Variants in CCDC171 observed in about 807,000 individuals in gnomAD.
CCDC171 encodes the protein coiled-coil domain containing 171, also known as coiled-coil domain-containing protein 171.
Under a neutral mutation model 168.2 loss-of-function variants are expected in CCDC171, and 177 were observed. The observed-to-expected ratio is 1.05, with a 90% CI of 0.93 to 1.19. CCDC171 has a LOEUF of 1.19. Ranked by LOEUF, CCDC171 falls within the 50% of genes most tolerant of loss-of-function variation. The pLI is 0.00. For synonymous variants in CCDC171, 687 were observed against 540.8 expected (o/e 1.27, Z -3.75); for missense variants, 1,991 against 1,539.0 (o/e 1.29, Z -4.91).
At chr9:16,100,301 C>T in the CCDC171 span, among the ~76,000 whole-genome samples, 105 of 152,254 alleles carry the variant, frequency 6.9e-4, no homozygotes, top group African/African-American at 2.4e-3. Flanking sequence ...TCACTCTCCC[C>T]ACTCAGATTG....
chr9:15,714,684 G>A (rs1044068654), intron 11 of CCDC171, among the ~76,000 whole-genome samples: 1 of 152,170 alleles, frequency 6.6e-6, no homozygotes, highest in South Asian at 2.1e-4. Context: ...ACTATGTCAG[G>A]ATTGCTAACA....
At chr9:15,865,329 A>G (rs923451602) in intron 23 of CCDC171, among the ~76,000 whole-genome samples, 9 of 151,998 alleles carry the variant, frequency 5.9e-5, no homozygotes, top group Admixed American at 5.3e-4. Flanking sequence ...ACAAATATAC[A>G]TACATACATA....
intron 6 of CCDC171, among the ~76,000 whole-genome samples, chr9:16,026,462 G>C (rs1833276478): frequency 6.6e-6 from 1 of 152,050 alleles, no homozygotes; most frequent in South Asian, 2.1e-4. Context: ...CCACCTCAAG[G>C]GCCCTTGCTC....
rs376956961 is a variant in CCDC171 at position 15,795,639 on chromosome 9, A to T, written c.3267+10945A>T. On this transcript the variant is annotated intron_variant, in intron 21 of 25. Transcript: ENST00000380701. ...GAGTTGATAATAATAATGTTAGGGA[A>T]ATCTAGGCTTTAAGCCTCAGAGACT... 5.1e-4 allele frequency among the ~76,000 whole-genome samples: 77 copies of T among 152,322 alleles called. 1 individual carries two copies. In the South Asian group the frequency reaches 0.016, roughly 32 times the overall value.
At chr9:15,776,563 A>G (rs1370964101) in intron 18 of CCDC171, among the ~76,000 whole-genome samples, 1 of 152,232 alleles carries the variant, frequency 6.6e-6, no homozygotes, top group East Asian at 1.9e-4. Flanking sequence ...TCTGGCTGCT[A>G]CATAGATTTT....
At chr9:15,700,483 G>C (rs1410717976) in intron 11 of CCDC171, among the ~76,000 whole-genome samples, 1 of 152,196 alleles carries the variant, frequency 6.6e-6, no homozygotes, top group Non-Finnish European at 1.5e-5. Flanking sequence ...CCAGAAAGGG[G>C]CTCCCACAGT....
At chr9:16,096,927 A>G in the CCDC171 span, among the ~76,000 whole-genome samples, 4 of 152,166 alleles carry the variant, frequency 2.6e-5, no homozygotes, top group Non-Finnish European at 2.9e-5. Flanking sequence ...TACAATTAGC[A>G]CTGATGAAAG....
At chr9:15,746,915 A>G (rs1336170019) in intron 18 of CCDC171, among the ~76,000 whole-genome samples, 1 of 152,164 alleles carries the variant, frequency 6.6e-6, no homozygotes, top group Admixed American at 6.5e-5. Context: ...AGCTTTTCCC[A>G]CAGTCTTCAC....
At chr9:15,979,387 A>C (rs1831723223) in intron 3 of CCDC171, among the ~76,000 whole-genome samples, 1 of 152,216 alleles carries the variant, frequency 6.6e-6, no homozygotes, top group South Asian at 2.1e-4. Flanking sequence ...AAAAGCATTA[A>C]GTCTTATACC....
chr9:15,840,366 G>A (rs537258382), intron 21 of CCDC171, among the ~76,000 whole-genome samples: 106 of 152,066 alleles, frequency 7.0e-4, no homozygotes, highest in African/African-American at 2.3e-3. Context: ...AGCTCGACTC[G>A]TTTAAAATAT....
chr9:15,566,207 T>TA (rs1554678882), intron 2 of CCDC171, among the ~76,000 whole-genome samples: 2 of 151,824 alleles, frequency 1.3e-5, no homozygotes, highest in Non-Finnish European at 2.9e-5. Context: ...TTTTTTTTTT[T>TA]ATGTTATTGA....
chr9:15,708,580 G>A (rs1210414334), intron 11 of CCDC171, among the ~76,000 whole-genome samples: 1 of 151,980 alleles, frequency 6.6e-6, no homozygotes, highest in African/African-American at 2.4e-5. Context: ...TACCATCTCC[G>A]TGTAACTCCC....
At chr9:16,064,907 T>A (rs547090237), downstream of CCDC171, among the ~76,000 whole-genome samples, 1 of 152,374 alleles carries the variant, frequency 6.6e-6, no homozygotes, top group Admixed American at 6.5e-5. Flanking sequence ...TTCCTGTAGA[T>A]GACACACAAC....
chr9:15,916,214 A>G (rs1824482777), intron 24 of CCDC171, among the ~76,000 whole-genome samples: 1 of 151,890 alleles, frequency 6.6e-6, no homozygotes, highest in African/African-American at 2.4e-5. Context: ...TAATTTTCCT[A>G]TTTGATATCA....
chr9:15,986,811 C>T (rs1832005567), intron 3 of CCDC171, among the ~76,000 whole-genome samples: 1 of 152,030 alleles, frequency 6.6e-6, no homozygotes, highest in African/African-American at 2.4e-5. Context: ...TATAAGGATT[C>T]TAAGAGACTG....
At chr9:15,859,486 T>C (rs1164765511) in intron 23 of CCDC171, among the ~76,000 whole-genome samples, 2 of 151,976 alleles carry the variant, frequency 1.3e-5, no homozygotes, top group East Asian at 3.9e-4. Flanking sequence ...AATTGTTTTA[T>C]AGAATTCATC....
At chr9:15,648,163 T>C (rs1356259939) in intron 7 of CCDC171, among the ~76,000 whole-genome samples, 1 of 152,172 alleles carries the variant, frequency 6.6e-6, no homozygotes. Context: ...ATTATCTGAA[T>C]AGATGCAGAA....
chr9:15,554,506 G>A (rs983885434), intron 1 of CCDC171, among the ~76,000 whole-genome samples: 1 of 152,176 alleles, frequency 6.6e-6, no homozygotes, highest in Admixed American at 6.5e-5. Flanking sequence ...CCATTTATGA[G>A]CTGCGTCCCC....
intron 11 of CCDC171, among the ~76,000 whole-genome samples, chr9:15,711,789 A>G (rs1354991955): frequency 6.6e-6 from 1 of 152,230 alleles, no homozygotes; most frequent in African/African-American, 2.4e-5. Context: ...AAGTTGAATC[A>G]TTGTAAGTTG....
Sources: allele counts gnomAD v4.1 joint callset (sites outside exome capture counted in the v4.1 genomes callset), GRCh38; gene constraint gnomAD v4.1.1; transcripts MANE v1.5; gene names NCBI Gene and HGNC (gene_info 2026-07-23, HGNC 2026-07-21).